Variants in RNF180 observed in about 807,000 individuals in gnomAD.
RNF180 encodes the protein ring finger protein 180, also known as E3 ubiquitin-protein ligase RNF180.
In RNF180, 38 loss-of-function variants were observed where a neutral mutation model predicts 59.2. The observed-to-expected ratio is 0.64, with a 90% CI of 0.50 to 0.84. The LOEUF (loss-of-function observed/expected upper bound fraction) is 0.84. Ranked by LOEUF, RNF180 falls within the 40% of genes least tolerant of loss-of-function variation. The pLI, the probability that RNF180 is intolerant of heterozygous loss-of-function variation, is 0.00. For synonymous variants in RNF180, 262 were observed against 240.3 expected (o/e 1.09, Z -0.84); for missense variants, 705 against 700.9 (o/e 1.01, Z -0.07).
chr5:64,213,535 T>C, intron 3 of RNF180, 23 bp from the exon 4 acceptor site: 1 of 1,580,222 alleles, frequency 6.3e-7, no homozygotes, highest in Non-Finnish European at 8.6e-7. Context: ...AGCACTGTCT[T>C]TATTCTTCTT....
chr5:64,249,378 A>G (rs1379357850), intron 5 of RNF180, among the ~76,000 whole-genome samples: 1 of 152,226 alleles, frequency 6.6e-6, no homozygotes, highest in Non-Finnish European at 1.5e-5. Flanking sequence ...TTCTCAGCCG[A>G]AACCTTACAG....
At position 64,173,897 on chromosome 5, in the gene RNF180, G is replaced by A. The variant is rs1207689967; in HGVS notation, c.-1+7944G>A. ...CACCCAGCTAATGTTTGTATTTTTA[G>A]TAGAGACAGGGTTTCACCATCTTGG... On this transcript the variant is annotated intron_variant, in intron 1 of 7. Coordinates refer to ENST00000389100, the MANE Select transcript of RNF180 (RefSeq NM_001113561.2). Among the ~76,000 whole-genome samples, 3 of 152,012 alleles carry A rather than the reference G, an allele frequency of 2.0e-5. No individual in the cohort carries two copies. The East Asian group carries it at 5.8e-4, about 29-fold the overall frequency.
chr5:64,318,033 A>G (rs1009847783), intron 5 of RNF180, among the ~76,000 whole-genome samples: 1 of 152,190 alleles, frequency 6.6e-6, no homozygotes, highest in African/African-American at 2.4e-5. Context: ...TGGGTGCTCA[A>G]AGTATGGTTT....
Position 64,335,501 on chromosome 5 carries a change from G to T in RNF180, c.1579+5095G>T, listed in dbSNP as rs1037398246. On this transcript the variant is annotated intron_variant, in intron 7 of 7. Coordinates refer to ENST00000389100, the MANE Select transcript of RNF180 (RefSeq NM_001113561.2). Reference sequence around the variant, plus strand: ...TTTCTTTGTTGTAGGTAGAGACCCAGTTTCTTTGGATTTTTTTCCTACCAC... The same window carrying T: ...TTTCTTTGTTGTAGGTAGAGACCCATTTTCTTTGGATTTTTTTCCTACCAC... Among the ~76,000 whole-genome samples, 37 of 149,346 alleles carry T rather than the reference G, an allele frequency of 2.5e-4. No individual in the cohort carries two copies. In the East Asian group the frequency reaches 6.0e-3, roughly 24 times the overall value.
chr5:64,188,127 C>T (rs928084072), intron 1 of RNF180, among the ~76,000 whole-genome samples: 1 of 152,130 alleles, frequency 6.6e-6, no homozygotes, highest in African/African-American at 2.4e-5. Flanking sequence ...GCTCATCTGA[C>T]AGAGTTATTA....
At chr5:64,362,481 T>C (rs1746296319) in intron 7 of RNF180, among the ~76,000 whole-genome samples, 1 of 151,950 alleles carries the variant, frequency 6.6e-6, no homozygotes. Flanking sequence ...CTTTATCCAG[T>C]CTACCATTCT....
chr5:64,230,307 G>T (rs970991), intron 5 of RNF180, among the ~76,000 whole-genome samples: 1 of 152,206 alleles, frequency 6.6e-6, no homozygotes, highest in Non-Finnish European at 1.5e-5. Context: ...CAGTTCTGTA[G>T]GTAAGAAGTT....
chr5:64,301,701 ATGTGTGTG>A lies in RNF180; in HGVS notation c.1228-23469_1228-23462del, dbSNP rs3069547. On this transcript the variant is annotated intron_variant, in intron 5 of 7. Transcript: ENST00000389100. ...TATATTTGTTGTATGCCACATCAGA[ATGTGTGTG>A]TGTGTGTGTGTGTGTATAGTTTTCA... 5.4e-5 allele frequency among the ~76,000 whole-genome samples: 8 copies of A among 148,712 alleles called. No individual in the cohort carries two copies. The South Asian group carries it at 1.5e-3, about 28-fold the overall frequency.
At chr5:64,256,366 T>A (rs1004354755) in intron 5 of RNF180, among the ~76,000 whole-genome samples, 1 of 152,248 alleles carries the variant, frequency 6.6e-6, no homozygotes, top group African/African-American at 2.4e-5. Context: ...CCATCTTGAA[T>A]GAATTTTTGT....
intron 2 of RNF180, among the ~76,000 whole-genome samples, chr5:64,205,490 C>A (rs2064766370): frequency 6.6e-6 from 1 of 152,122 alleles, no homozygotes; most frequent in Non-Finnish European, 1.5e-5. Flanking sequence ...TCCATTTGTG[C>A]AATCTGTGTT....
At chr5:64,289,102 G>T (rs1045807369) in intron 5 of RNF180, among the ~76,000 whole-genome samples, 3 of 152,066 alleles carry the variant, frequency 2.0e-5, no homozygotes, top group Non-Finnish European at 2.9e-5. Flanking sequence ...TAACATAAAG[G>T]GATGTTGAAT....
chr5:64,368,331 A>G (rs919699566), intron 7 of RNF180, among the ~76,000 whole-genome samples: 1 of 151,824 alleles, frequency 6.6e-6, no homozygotes, highest in African/African-American at 2.4e-5. Flanking sequence ...TTATAAAAGC[A>G]GTTGTAAAAA....
At chr5:64,250,325 A>T (rs1389978255) in intron 5 of RNF180, among the ~76,000 whole-genome samples, 1 of 152,182 alleles carries the variant, frequency 6.6e-6, no homozygotes, top group South Asian at 2.1e-4. Flanking sequence ...TTCATAAAAA[A>T]GAACAGAAAT....
At chr5:64,297,593 C>T (rs1412181754) in intron 5 of RNF180, among the ~76,000 whole-genome samples, 2 of 152,010 alleles carry the variant, frequency 1.3e-5, no homozygotes, top group Non-Finnish European at 2.9e-5. Flanking sequence ...ACTATAGTCT[C>T]AAGTGTGTTC....
At chr5:64,167,246 C>A (rs995681352) in intron 1 of RNF180, among the ~76,000 whole-genome samples, 8 of 151,998 alleles carry the variant, frequency 5.3e-5, no homozygotes, top group Non-Finnish European at 8.8e-5. Context: ...CATAAAGAAT[C>A]AAAAATTTAG....
chr5:64,299,575 G>A (rs531141865), intron 5 of RNF180, among the ~76,000 whole-genome samples: 1 of 151,922 alleles, frequency 6.6e-6, no homozygotes, highest in Non-Finnish European at 1.5e-5. Flanking sequence ...CCTAGCCTCT[G>A]AGACTGATTC....
chr5:64,287,847 G>A (rs1742367837), intron 5 of RNF180, among the ~76,000 whole-genome samples: 1 of 152,084 alleles, frequency 6.6e-6, no homozygotes, highest in Non-Finnish European at 1.5e-5. Flanking sequence ...CCATTCTTTA[G>A]GTTGTCGGTT....
Position 64,200,709 on chromosome 5 carries a change from G to A in RNF180, c.1-99G>A, listed in dbSNP as rs903143509. 6.0e-6 allele frequency: 6 copies of A among 995,802 alleles called. No homozygotes were observed. In the South Asian group the frequency reaches 9.5e-5, roughly 16 times the overall value. The allele number at this position is 995,802 out of a possible 1,614,324, so 61.7% of individuals were successfully genotyped here. On this transcript the variant is annotated intron_variant, in intron 1 of 7. Transcript: ENST00000389100. ...GTACCTTAATAAATGATAGTTCCCT[G>A]CTTTACTGTCCACTTGTAGCTAATG...
intron 1 of RNF180, among the ~76,000 whole-genome samples, chr5:64,185,368 C>T (rs1405206009): frequency 1.3e-5 from 2 of 152,026 alleles, no homozygotes. Context: ...AAAAGTACTG[C>T]TTTATCTCAT....
Sources: gnomAD v4.1 joint callset for allele counts (sites outside exome capture counted in the v4.1 genomes callset) on GRCh38, gnomAD v4.1.1 for gene constraint, MANE v1.5 for transcripts, NCBI Gene and HGNC (gene_info 2026-07-23, HGNC 2026-07-21) for gene names.